AMPH: variants seen among roughly 807,000 people sequenced by gnomAD.
AMPH encodes amphiphysin.
A neutral mutation model predicts 99.1 loss-of-function variants in AMPH; 49 were observed. That is an observed-to-expected ratio of 0.49 (90% confidence interval 0.39 to 0.63). The LOEUF is 0.63. AMPH is among the 20% of genes least tolerant of loss of function. AMPH has a pLI of 0.00. For missense variants in AMPH, 759 were observed against 863.4 expected, an observed-to-expected ratio of 0.88 and a Z score of 1.52; for synonymous variants, 314 against 317.3, an observed-to-expected ratio of 0.99 and a Z score of 0.11.
intron 1 of AMPH, among the ~76,000 whole-genome samples, chr7:38,618,348 A>C (rs1464296478): frequency 1.4e-5 from 2 of 139,810 alleles, no homozygotes; most frequent in Admixed American, 7.1e-5. Flanking sequence ...CCATCTCTAC[A>C]AAAAAAAAAA....
At chr7:38,606,589 G>A (rs1314243213) in intron 1 of AMPH, among the ~76,000 whole-genome samples, 7 of 26,968 alleles carry the variant, frequency 2.6e-4, no homozygotes, top group Non-Finnish European at 5.4e-4. Context: ...TTTTTTTTTT[G>A]TGAGACAGGG....
chr7:38,458,991 A>C (rs946331629), intron 11 of AMPH, among the ~76,000 whole-genome samples: 9 of 151,996 alleles, frequency 5.9e-5, no homozygotes, highest in African/African-American at 1.9e-4. Flanking sequence ...CCCAAAAAAA[A>C]CCTCCTAAAT....
At chr7:38,571,265 ATT>A (rs1562835114) in intron 1 of AMPH, among the ~76,000 whole-genome samples, 2 of 46,064 alleles carry the variant, frequency 4.3e-5, no homozygotes, top group African/African-American at 9.2e-5. Flanking sequence ...TTAAATATAT[ATT>A]TATATATATA....
intron 11 of AMPH, among the ~76,000 whole-genome samples, chr7:38,437,628 A>AC (rs1362898913): frequency 7.2e-5 from 9 of 125,120 alleles, no homozygotes; most frequent in Non-Finnish European, 1.3e-4. Flanking sequence ...AAAAATACAA[A>AC]AAAAAAAAAA....
intron 1 of AMPH, among the ~76,000 whole-genome samples, chr7:38,546,739 G>A (rs1174785763): frequency 6.6e-6 from 1 of 152,150 alleles, no homozygotes; most frequent in African/African-American, 2.4e-5. Context: ...TGGTGACCCT[G>A]GGTAACACAC....
chr7:38,515,493 C>T (rs779722451), intron 2 of AMPH, among the ~76,000 whole-genome samples: 3 of 152,180 alleles, frequency 2.0e-5, no homozygotes, highest in Admixed American at 6.5e-5. Context: ...TGTAAGTTTC[C>T]AGAGGCCTCC....
intron 1 of AMPH, among the ~76,000 whole-genome samples, chr7:38,608,256 G>A (rs941554960): frequency 3.3e-5 from 5 of 152,092 alleles, no homozygotes; most frequent in African/African-American, 1.2e-4. Flanking sequence ...CACGGCTCCC[G>A]GTCAGCTTTC....
At chr7:38,495,909 T>G (rs1438334583) in intron 3 of AMPH, among the ~76,000 whole-genome samples, 1 of 152,098 alleles carries the variant, frequency 6.6e-6, no homozygotes, top group Admixed American at 6.5e-5. Context: ...GGTTAATGAA[T>G]GTACTGAAAA....
chr7:38,622,274 C>G (rs1794097402), intron 1 of AMPH, among the ~76,000 whole-genome samples: 1 of 152,088 alleles, frequency 6.6e-6, no homozygotes, highest in African/African-American at 2.4e-5. Flanking sequence ...TGTGTTTGGA[C>G]AGTAAGGTGG....
intron 2 of AMPH, among the ~76,000 whole-genome samples, chr7:38,523,142 A>G: frequency 6.6e-6 from 1 of 151,848 alleles, no homozygotes; most frequent in African/African-American, 2.4e-5. Context: ...GGAGAGCCCA[A>G]ATAAAGCAGG....
At chr7:38,519,590 AT>A (rs1243938829) in intron 2 of AMPH, among the ~76,000 whole-genome samples, 1 of 152,198 alleles carries the variant, frequency 6.6e-6, no homozygotes. Context: ...AAAATTATTT[AT>A]TTTATTGTTT....
At chr7:38,582,464 T>C (rs1584271399) in intron 1 of AMPH, among the ~76,000 whole-genome samples, 2 of 152,318 alleles carry the variant, frequency 1.3e-5, no homozygotes, top group Middle Eastern at 6.8e-3. Flanking sequence ...TTTCCATGCA[T>C]CAACAGAGTC....
In AMPH at chr7:38,595,380, A is replaced by G. The variant is rs568830658; in HGVS notation, c.69+35903T>C. On this transcript the variant is annotated intron_variant, in intron 1 of 20. Transcript: ENST00000356264. ...GGCTGTATGAAAAAGATATGTCTGC[A>G]GTCTGGGCTGAAGGGCTCTATAGCC... 3.3e-5 allele frequency among the ~76,000 whole-genome samples: 5 copies of G among 152,300 alleles called. No individual in the cohort carries two copies. In the East Asian group the frequency reaches 9.6e-4, roughly 29 times the overall value.
At chr7:38,474,785 C>A (rs191587294) in intron 7 of AMPH, among the ~76,000 whole-genome samples, 15 of 152,018 alleles carry the variant, frequency 9.9e-5, no homozygotes, top group Non-Finnish European at 1.8e-4. Flanking sequence ...CGTAATTCCA[C>A]GAGAAATGCA....
At chr7:38,565,743 G>A (rs1242884575) in intron 1 of AMPH, among the ~76,000 whole-genome samples, 1 of 152,118 alleles carries the variant, frequency 6.6e-6, no homozygotes, top group Non-Finnish European at 1.5e-5. Context: ...CACGTCAGTG[G>A]GAGATGAAAG....
At chr7:38,406,748 CT>C (rs1218489913) in intron 17 of AMPH, among the ~76,000 whole-genome samples, 2 of 140,884 alleles carry the variant, frequency 1.4e-5, no homozygotes, top group African/African-American at 5.6e-5. Context: ...CTCTCTCTCT[CT>C]CTCTCTCTCT....
rs761580305 is a variant in AMPH at position 38,417,845 on chromosome 7, C to T, written c.1378G>A (p.Glu460Lys). ...LDLGMDTRAE[E>K]PVEEAVIIPG... ...CTCACCACTGCCTCCTCCACTGGCT[C>T]CTCAGCCCGAGTGTCCATTCCAAGG... is the stretch of plus-strand genomic sequence containing the variant. Residue 460 changes from glutamate to lysine, a missense_variant, in exon 17 of 21, where the codon GAG becomes AAG. By Grantham distance (56) the Glu-to-Lys change is moderately conservative. Around this residue, in one of 2 missense-constraint regions of AMPH, gnomAD observed 554 missense variants for 575.6 expected, o/e 0.96. Coordinates refer to ENST00000356264, the MANE Select transcript of AMPH (RefSeq NM_001635.4). 15 of 1,614,060 alleles carry T rather than the reference C, an allele frequency of 9.3e-6. No individual in the cohort carries two copies. Among genetic ancestry groups the T allele is most frequent in the Non-Finnish European group, 1.3e-5 (15 of 1,179,942 alleles).
chr7:38,519,468 TAAGAGA>T (rs68112925), intron 2 of AMPH, among the ~76,000 whole-genome samples: 49,327 of 151,716 alleles, frequency 0.33, 8,422 homozygotes, highest in Middle Eastern at 0.37. Context: ...TATTATCCCA[TAAGAGA>T]ATAGTCTTAC....
At chr7:38,399,845 T>C (rs566286645) in intron 17 of AMPH, among the ~76,000 whole-genome samples, 7 of 152,254 alleles carry the variant, frequency 4.6e-5, no homozygotes, top group South Asian at 2.1e-4. Flanking sequence ...TACTATCTAT[T>C]GGTCAAATAT....
Sources: allele counts gnomAD v4.1 joint callset (sites outside exome capture counted in the v4.1 genomes callset), GRCh38; gene constraint gnomAD v4.1.1; regional missense constraint gnomAD v4.1.1; transcripts MANE v1.5; gene names NCBI Gene and HGNC (gene_info 2026-07-23, HGNC 2026-07-21).